Variants in GALNT18 observed in about 807,000 individuals in gnomAD.
GALNT18 encodes the protein polypeptide N-acetylgalactosaminyltransferase 18, also known as GalNAc-transferase 18.
In GALNT18, 44 loss-of-function variants were observed where a neutral mutation model predicts 69.5. The observed-to-expected ratio is 0.63, with a 90% CI of 0.50 to 0.81. The LOEUF is 0.81. Among genes scored for constraint, GALNT18 ranks in the 40% least tolerant of loss-of-function variants. GALNT18 has a pLI of 0.00. For missense variants in GALNT18, 715 were observed against 810.0 expected (o/e 0.88, Z 1.42); for synonymous variants, 364 against 318.2 (o/e 1.14, Z -1.53).
At position 11,387,650 on chromosome 11, in the gene GALNT18, A is replaced by G. The variant is rs1854088013; in HGVS notation, c.596-8386T>C. Among the ~76,000 whole-genome samples the G allele has an allele frequency of 6.6e-6, 1 of 152,258 alleles. No homozygotes were observed. The highest frequency in any genetic ancestry group is 1.5e-5 in the Non-Finnish European group (1 of 68,044). On this transcript the variant is annotated intron_variant, in intron 3 of 10. Transcript: ENST00000227756. The surrounding 1 kb of genome is among the most constrained non-coding windows in gnomAD (Gnocchi z 4.6). ...ATGCTATGTCAACACATTTTAAAGG[A>G]GAGATTATTTATGAGGATGCAATGG...
rs746107136 is a variant in GALNT18 at position 11,430,026 on chromosome 11, G to A, written c.595+2595C>T. Among the ~76,000 whole-genome samples the A allele has an allele frequency of 2.0e-5, 3 of 152,042 alleles. No homozygotes were observed. Among genetic ancestry groups the A allele is most frequent in the Non-Finnish European group, 2.9e-5 (2 of 68,020 alleles). ...CATGGTGGATGCACCTGTCGTCCCA[G>A]CTACTCGGGAGGCTAAGATGGGAGG... On this transcript the variant is annotated intron_variant, in intron 3 of 10. Transcript: ENST00000227756. This position sits in a 1 kb window ranked among gnomAD's most constrained non-coding sequence, Gnocchi z 4.9.
At chr11:11,330,704 T>C (rs1212936405) in intron 8 of GALNT18, among the ~76,000 whole-genome samples, 2 of 152,220 alleles carry the variant, frequency 1.3e-5, no homozygotes, top group Non-Finnish European at 2.9e-5. Flanking sequence ...CACTTAGTAT[T>C]TGACAAACCA....
intron 6 of GALNT18, among the ~76,000 whole-genome samples, chr11:11,365,687 C>A (rs1850750637): frequency 6.6e-6 from 1 of 152,140 alleles, no homozygotes; most frequent in Non-Finnish European, 1.5e-5. Context: ...ACCATTCTGA[C>A]TGGTGTGAGA....
intron 10 of GALNT18, among the ~76,000 whole-genome samples, chr11:11,284,570 TCTTA>T (rs1474654652): frequency 6.6e-6 from 1 of 152,210 alleles, no homozygotes; most frequent in Non-Finnish European, 1.5e-5. Flanking sequence ...CTCAGGCTGG[TCTTA>T]CTTTTGCAAT....
chr11:11,371,651 T>A (rs1284835381), intron 6 of GALNT18, among the ~76,000 whole-genome samples: 1 of 145,230 alleles, frequency 6.9e-6, no homozygotes, highest in Non-Finnish European at 1.5e-5. Context: ...GGGGAGGACA[T>A]CCTGCAGCTC....
chr11:11,409,233 C>T (rs1854670209), intron 3 of GALNT18, among the ~76,000 whole-genome samples: 2 of 152,146 alleles, frequency 1.3e-5, no homozygotes, highest in Admixed American at 6.5e-5. Flanking sequence ...ATGCTCTTCT[C>T]CCCAGCTCCC....
chr11:11,443,184 G>A (rs1855570875), intron 2 of GALNT18, among the ~76,000 whole-genome samples: 2 of 152,130 alleles, frequency 1.3e-5, no homozygotes, highest in South Asian at 4.1e-4. Context: ...CCCGGCTGGG[G>A]TGAGAAGCCC....
intron 10 of GALNT18, among the ~76,000 whole-genome samples, chr11:11,278,593 AAAGACAAATTTT>A (rs1445074997): frequency 6.6e-5 from 10 of 152,236 alleles, no homozygotes; most frequent in South Asian, 6.2e-4. Context: ...CCAGGCACAG[AAAGACAAATTTT>A]AAGACAAATT....
At chr11:11,346,219 G>A (rs930849603) in intron 6 of GALNT18, among the ~76,000 whole-genome samples, 5 of 152,044 alleles carry the variant, frequency 3.3e-5, no homozygotes, top group Non-Finnish European at 7.4e-5. Context: ...CCCTTCACTG[G>A]ACTATAAGTG....
intron 10 of GALNT18, 151 bp from the exon 11 acceptor site, chr11:11,271,441 T>C: frequency 1.4e-6 from 1 of 729,542 alleles, no homozygotes. Flanking sequence ...CAGGCTCCCC[T>C]ATCACTCATA....
intron 1 of GALNT18, among the ~76,000 whole-genome samples, chr11:11,458,442 A>T (rs1855969298): frequency 6.6e-6 from 1 of 152,220 alleles, no homozygotes; most frequent in African/African-American, 2.4e-5. Flanking sequence ...GCATTGTTGC[A>T]TGCTTTATTT....
Position 11,315,790 on chromosome 11 carries a change from A to C in GALNT18, c.1512+11296T>G, listed in dbSNP as rs1413285909. On this transcript the variant is annotated intron_variant, in intron 9 of 10. Coordinates refer to ENST00000227756, the MANE Select transcript of GALNT18 (RefSeq NM_198516.3). This position sits in a 1 kb window ranked among gnomAD's most constrained non-coding sequence, Gnocchi z 5.6. ...GTGGTACGGGCAGAACTGGGCCTGG[A>C]CCCCCAGCCCTTATCTGACCTCATG... Among the ~76,000 whole-genome samples, 1 of 151,468 alleles carries C rather than the reference A, an allele frequency of 6.6e-6. No individual in the cohort carries two copies. The highest frequency in any genetic ancestry group is 1.5e-5 in the Non-Finnish European group (1 of 67,854).
chr11:11,491,866 G>A (rs962076475), intron 1 of GALNT18, among the ~76,000 whole-genome samples: 1 of 152,032 alleles, frequency 6.6e-6, no homozygotes, highest in Non-Finnish European at 1.5e-5. Flanking sequence ...AATCTCACTT[G>A]GCATCCACAG....
At chr11:11,455,236 A>G (rs1855900133) in intron 1 of GALNT18, among the ~76,000 whole-genome samples, 1 of 152,212 alleles carries the variant, frequency 6.6e-6, no homozygotes, top group Admixed American at 6.5e-5. Context: ...TGAAATATTA[A>G]GATTACTCAG....
chr11:11,487,372 A>T (rs1039031068), intron 1 of GALNT18, among the ~76,000 whole-genome samples: 4 of 152,198 alleles, frequency 2.6e-5, no homozygotes, highest in Non-Finnish European at 5.9e-5. Context: ...GAACTTACTC[A>T]TGTAACCAAA....
intron 1 of GALNT18, among the ~76,000 whole-genome samples, chr11:11,467,121 T>C (rs1477935588): frequency 6.6e-6 from 1 of 152,170 alleles, no homozygotes; most frequent in Non-Finnish European, 1.5e-5. Flanking sequence ...AGGCCCTTAA[T>C]GGGGAGAAGA....
In GALNT18 at chr11:11,590,388, C is replaced by G. The variant is rs1859326609; in HGVS notation, c.235+30971G>C. On this transcript the variant is annotated intron_variant, in intron 1 of 10. Transcript: ENST00000227756. The surrounding 1 kb of genome is among the most constrained non-coding windows in gnomAD (Gnocchi z 4.4). ...GCTGCAGGCCCACAAGGAACTTCCA[C>G]ATTGCTTGTTGGGTAAGTGAGGGAT... Among the ~76,000 whole-genome samples the G allele has an allele frequency of 6.6e-6, 1 of 152,214 alleles. No individual in the cohort carries two copies. Among genetic ancestry groups the G allele is most frequent in the Non-Finnish European group, 1.5e-5 (1 of 68,040 alleles).
At chr11:11,427,767 G>T (rs1431982080) in intron 3 of GALNT18, among the ~76,000 whole-genome samples, 2 of 152,148 alleles carry the variant, frequency 1.3e-5, no homozygotes, top group African/African-American at 4.8e-5. Context: ...CATGATTATT[G>T]TTCCTGCTGT....
At chr11:11,290,826 G>A (rs1849284243) in intron 10 of GALNT18, among the ~76,000 whole-genome samples, 1 of 152,056 alleles carries the variant, frequency 6.6e-6, no homozygotes, top group Non-Finnish European at 1.5e-5. Flanking sequence ...AGTAGAAAAT[G>A]GTCCCTTGTG....
Sources: gnomAD v4.1 joint callset for allele counts (sites outside exome capture counted in the v4.1 genomes callset) on GRCh38, gnomAD v4.1.1 for gene constraint, Gnocchi (gnomAD v3.1) non-coding constraint, MANE v1.5 for transcripts, NCBI Gene and HGNC (gene_info 2026-07-23, HGNC 2026-07-21) for gene names.